Variants in TDRD3 observed in about 807,000 individuals in gnomAD.
TDRD3 encodes the protein tudor domain containing 3, also known as tudor domain-containing protein 3.
A neutral mutation model predicts 86.7 loss-of-function variants in TDRD3; 45 were observed. The observed-to-expected ratio is 0.52, with a 90% CI of 0.41 to 0.67. The LOEUF is 0.67. Among genes scored for constraint, TDRD3 ranks in the 30% least tolerant of loss-of-function variants. TDRD3 has a pLI of 0.00. For missense variants in TDRD3, 814 were observed against 889.0 expected (o/e 0.92, Z 1.07); for synonymous variants, 298 against 301.7 (o/e 0.99, Z 0.13).
At chr13:60,454,982 C>T (rs562402492) in intron 3 of TDRD3, among the ~76,000 whole-genome samples, 6 of 152,126 alleles carry the variant, frequency 3.9e-5, no homozygotes, top group South Asian at 2.1e-4. Flanking sequence ...GGCGCGATCT[C>T]GGCTCACTGC....
intron 1 of TDRD3, among the ~76,000 whole-genome samples, chr13:60,424,628 G>A (rs999230520): frequency 7.2e-5 from 11 of 152,274 alleles, no homozygotes; most frequent in African/African-American, 2.6e-4. Flanking sequence ...AGTGAGCAGA[G>A]ATTGTGCCAC....
chr13:60,414,558 A>G (rs1370992790), intron 1 of TDRD3, among the ~76,000 whole-genome samples: 1 of 152,196 alleles, frequency 6.6e-6, no homozygotes, highest in East Asian at 1.9e-4. Context: ...CAAGTAGTAT[A>G]TGCTATTGGT....
chr13:60,528,230 TAATG>T (rs1392332578), intron 10 of TDRD3, 133 bp from the exon 11 acceptor site: 1 of 982,976 alleles, frequency 1.0e-6, no homozygotes. Context: ...AGGAGTAAGA[TAATG>T]AGGTAGGAAG....
At chr13:60,422,016 TAAA>T (rs1262048015) in intron 1 of TDRD3, among the ~76,000 whole-genome samples, 2 of 152,310 alleles carry the variant, frequency 1.3e-5, no homozygotes, top group East Asian at 3.9e-4. Context: ...GCATGTAACT[TAAA>T]ATAGACACAT....
intron 7 of TDRD3, among the ~76,000 whole-genome samples, chr13:60,490,908 G>A (rs558448983): frequency 2.6e-4 from 39 of 151,888 alleles, no homozygotes; most frequent in Middle Eastern, 3.4e-3. Flanking sequence ...ACCTGAGGTC[G>A]GGAGTTTGAG....
chr13:60,426,103 A>C (rs2137892500), intron 1 of TDRD3, among the ~76,000 whole-genome samples: 1 of 152,292 alleles, frequency 6.6e-6, no homozygotes, highest in East Asian at 1.9e-4. Context: ...TTTAAAAAGA[A>C]GGAGATCCTG....
chr13:60,562,593 T>C (rs1958360268), intron 12 of TDRD3, among the ~76,000 whole-genome samples: 1 of 152,136 alleles, frequency 6.6e-6, no homozygotes, highest in Non-Finnish European at 1.5e-5. Context: ...GAATAAGTGG[T>C]TCATGTATGA....
chr13:60,460,729 G>T, intron 4 of TDRD3, 189 bp downstream of exon 4: 1 of 495,446 alleles, frequency 2.0e-6, no homozygotes, highest in Non-Finnish European at 3.2e-6. Flanking sequence ...ATATGGCCAG[G>T]CGTGGTGGCT....
At chr13:60,441,562 T>G (rs554343525) in intron 2 of TDRD3, among the ~76,000 whole-genome samples, 137 of 152,328 alleles carry the variant, frequency 9.0e-4, no homozygotes, top group Non-Finnish European at 1.7e-3. Flanking sequence ...TTATCATCTT[T>G]TAATAAAATT....
intron 1 of TDRD3, among the ~76,000 whole-genome samples, chr13:60,400,223 TACTC>T (rs1954057484): frequency 6.6e-6 from 1 of 152,232 alleles, no homozygotes; most frequent in Admixed American, 6.5e-5. Flanking sequence ...ATAACAATTT[TACTC>T]ACTCTGCATT....
intron 1 of TDRD3, among the ~76,000 whole-genome samples, chr13:60,412,324 T>G (rs933072530): frequency 5.3e-5 from 8 of 152,154 alleles, no homozygotes; most frequent in Non-Finnish European, 8.8e-5. Flanking sequence ...TGAGGCTCTA[T>G]TTTTTTGGCC....
intron 4 of TDRD3, among the ~76,000 whole-genome samples, chr13:60,463,532 G>A (rs1210906675): frequency 6.6e-6 from 1 of 151,958 alleles, no homozygotes; most frequent in Non-Finnish European, 1.5e-5. Flanking sequence ...AAACTAAAAA[G>A]CTTCTGCACA....
intron 10 of TDRD3, 55 bp downstream of exon 10, chr13:60,510,810 T>C: frequency 1.4e-6 from 2 of 1,462,014 alleles, no homozygotes; most frequent in East Asian, 2.4e-5. Context: ...TTCTTTTTTT[T>C]TTTTTTTAGC....
In TDRD3 at chr13:60,509,923, T is replaced by A. The variant is rs774819441; in HGVS notation, c.1015+4T>A. On this transcript the variant is annotated splice_donor_region_variant and intron_variant, in intron 9 of 13. Transcript: ENST00000377881. Reference sequence around the variant, plus strand: ...GTTATGGGTCCTCCTCTGAGAGGTATAATTTATTAAGCAGTGTGCCAGATA... The same window carrying A: ...GTTATGGGTCCTCCTCTGAGAGGTAAAATTTATTAAGCAGTGTGCCAGATA... 1.2e-6 allele frequency: 2 copies of A among 1,612,572 alleles called. No individual in the cohort carries two copies. Among genetic ancestry groups the A allele is most frequent in the Non-Finnish European group, 1.7e-6 (2 of 1,179,270 alleles).
intron 3 of TDRD3, among the ~76,000 whole-genome samples, chr13:60,449,600 C>T (rs574175950): frequency 6.2e-4 from 94 of 151,912 alleles, no homozygotes; most frequent in African/African-American, 2.2e-3. Context: ...ACTTATGTGC[C>T]CTACTGTTAT....
Position 60,401,509 on chromosome 13 carries a change from T to G in TDRD3, c.41+4104T>G, listed in dbSNP as rs566976811. Among the ~76,000 whole-genome samples, 12 of 152,270 alleles carry G rather than the reference T, an allele frequency of 7.9e-5. No individual in the cohort carries two copies. In the East Asian group the frequency reaches 2.3e-3, roughly 29 times the overall value. On this transcript the variant is annotated intron_variant, in intron 1 of 13. Transcript: ENST00000377881. ...TGAGGGATGACTGTATCTGAAAAAG[T>G]GGGACACTGTATTGTGTGTCTTTGC...
intron 1 of TDRD3, among the ~76,000 whole-genome samples, chr13:60,400,481 C>T (rs1169399857): frequency 8.5e-5 from 13 of 152,152 alleles, no homozygotes; most frequent in Admixed American, 6.5e-4. Context: ...AGTGGTGGCT[C>T]ATGCCTGTAA....
intron 10 of TDRD3, among the ~76,000 whole-genome samples, chr13:60,518,003 T>G (rs145226488): frequency 6.6e-6 from 1 of 152,330 alleles, no homozygotes; most frequent in Non-Finnish European, 1.5e-5. Context: ...GTTTGAAATG[T>G]TCTGGTTTAT....
chr13:60,483,342 T>A (rs1956358601), intron 5 of TDRD3, among the ~76,000 whole-genome samples: 1 of 152,140 alleles, frequency 6.6e-6, no homozygotes, highest in Non-Finnish European at 1.5e-5. Flanking sequence ...TCTCTTTAAG[T>A]AATTAGAAAT....
Sources: allele counts gnomAD v4.1 joint callset (sites outside exome capture counted in the v4.1 genomes callset), GRCh38; gene constraint gnomAD v4.1.1; transcripts MANE v1.5; gene names NCBI Gene and HGNC (gene_info 2026-07-23, HGNC 2026-07-21).